Variants in GXYLT1 observed in about 807,000 individuals in gnomAD.
GXYLT1 encodes the protein glucoside xylosyltransferase 1.
GXYLT1 carries 29 observed loss-of-function variants against 54.0 expected under a neutral mutation model. The ratio of observed to expected loss-of-function variants is 0.54; its 90% CI spans 0.40 to 0.73. The LOEUF is 0.73. Ranked by LOEUF, GXYLT1 falls within the 30% of genes least tolerant of loss-of-function variation. The pLI is 0.00. For synonymous variants in GXYLT1, 176 were observed against 204.1 expected (o/e 0.86, Z 1.17); for missense variants, 490 against 553.4 (o/e 0.89, Z 1.15).
chr12:42,129,761 A>G lies in GXYLT1; in HGVS notation c.312T>C (p.Phe104=). Residue 104 remains phenylalanine, a splice_region_variant and synonymous_variant, in exon 2 of 8, where the codon TTT becomes TTC. Transcript: ENST00000398675. ...CCAATTAAATATTAAGTGCCTACCT[A>G]AAAGCCGCTTCCCAAAAGCAGTTCA... The part of the protein sequence containing the change: ...CGMNCFWEAA[F]RYSLKIQPVE... The G allele has an allele frequency of 6.2e-7, 1 of 1,609,890 alleles. No homozygotes were observed. Among genetic ancestry groups the G allele is most frequent in the South Asian group, 1.1e-5 (1 of 90,992 alleles).
In GXYLT1 at chr12:42,083,108, C is replaced by T. The variant is rs886388231; in HGVS notation, c.*4678G>A. The T allele has an allele frequency of 6.6e-6, 1 of 152,056 alleles. No homozygotes were observed. The highest frequency in any genetic ancestry group is 1.5e-5 in the Non-Finnish European group (1 of 68,012). 9.4% of individuals were successfully genotyped at this position (152,056 alleles called of 1,614,324 possible). On this transcript the variant is annotated 3_prime_UTR_variant, in exon 8 of 8. Transcript: ENST00000398675. ...ACATTGATTTGCAATCCATTTTAAACTGTTACATCTAATATGCTATTCTGT... is the reference window on the plus strand; with the variant it reads ...ACATTGATTTGCAATCCATTTTAAATTGTTACATCTAATATGCTATTCTGT...
At chr12:42,120,859 CT>C (rs894231500) in intron 2 of GXYLT1, among the ~76,000 whole-genome samples, 2 of 151,040 alleles carry the variant, frequency 1.3e-5, no homozygotes, top group African/African-American at 4.9e-5. Context: ...TTAAAGCTCT[CT>C]ATTATTTTCT....
At chr12:42,109,070 T>C (rs111825632) in intron 4 of GXYLT1, among the ~76,000 whole-genome samples, 1 of 152,314 alleles carries the variant, frequency 6.6e-6, no homozygotes, top group African/African-American at 2.4e-5. Flanking sequence ...TAGTTCCCAT[T>C]TTCCCTTTGA....
chr12:42,097,086 A>G (rs2065359738), intron 7 of GXYLT1, among the ~76,000 whole-genome samples: 1 of 152,174 alleles, frequency 6.6e-6, no homozygotes, highest in Admixed American at 6.5e-5. Flanking sequence ...TATGGATGGC[A>G]GATTAATGTA....
In GXYLT1 at chr12:42,098,007, T is replaced by C. The variant is rs1331003984; in HGVS notation, c.891A>G (p.Gln297=). The C allele has an allele frequency of 2.5e-6, 4 of 1,609,254 alleles. No homozygotes were observed. Among genetic ancestry groups the C allele is most frequent in the Middle Eastern group, 1.6e-4 (1 of 6,072 alleles). ...GCAATGGCATAAGTATATCTCCCCA[T>C]TGTAGTCGTACAGTTGTCATATCAT... ...FKNDMTTVRL[Q]WGDILMPLLK... Residue 297 remains glutamine, a synonymous_variant, in exon 6 of 8, where the codon CAA becomes CAG. Transcript: ENST00000398675.
rs1183270379 is a variant in GXYLT1, at chr12:42,097,486, C to A, written c.1117G>T (p.Asp373Tyr). Reference sequence around the variant, plus strand: ...ACAGCTCTAAATGCTGGTTGCTTATCGTCATGGTAAACACCTCTGTTCCCA... The same window carrying A: ...ACAGCTCTAAATGCTGGTTGCTTATAGTCATGGTAAACACCTCTGTTCCCA... ...LHGNRGVYHD[D>Y]KQPAFRAVYE... is the part of the protein sequence containing the mutation. Residue 373 changes from aspartate to tyrosine, a missense_variant, in exon 7 of 8, where the codon GAT (aspartate) becomes TAT (tyrosine). Around this residue, in one of 2 missense-constraint regions of GXYLT1, gnomAD observed 342 missense variants for 342.6 expected, o/e 1.00. Coordinates refer to ENST00000398675, the MANE Select transcript of GXYLT1 (RefSeq NM_173601.2). 6.2e-7 allele frequency: 1 copy of A among 1,601,514 alleles called. No individual in the cohort carries two copies. The highest frequency in any genetic ancestry group is 1.8e-5 in the Admixed American group (1 of 57,004).
At chr12:42,106,336 TTCA>T (rs1267539416) in intron 4 of GXYLT1, among the ~76,000 whole-genome samples, 1 of 152,160 alleles carries the variant, frequency 6.6e-6, no homozygotes, top group African/African-American at 2.4e-5. Flanking sequence ...ATATGAAATC[TTCA>T]AAGATCAGGG....
chr12:42,097,397 G>A, intron 7 of GXYLT1, 45 bp downstream of exon 7: 1 of 1,431,440 alleles, frequency 7.0e-7, no homozygotes, highest in Non-Finnish European at 9.3e-7. Flanking sequence ...TAGCTTGAAA[G>A]TATTTTCAAA....
chr12:42,094,513 G>A (rs1465479060), intron 7 of GXYLT1, among the ~76,000 whole-genome samples: 3 of 151,910 alleles, frequency 2.0e-5, no homozygotes, highest in Non-Finnish European at 4.4e-5. Context: ...ACATATGTTA[G>A]CTGAGTGTGG....
chr12:42,120,088 G>C (rs890287493), intron 2 of GXYLT1, among the ~76,000 whole-genome samples: 1 of 152,040 alleles, frequency 6.6e-6, no homozygotes, highest in Non-Finnish European at 1.5e-5. Context: ...CATTGAGAAA[G>C]ATAGATTTGA....
At chr12:42,114,233 A>C (rs1040147063) in intron 3 of GXYLT1, among the ~76,000 whole-genome samples, 8 of 152,242 alleles carry the variant, frequency 5.3e-5, no homozygotes, top group African/African-American at 1.7e-4. Flanking sequence ...GAAAAGCAAG[A>C]GCAAAGACAT....
intron 3 of GXYLT1, among the ~76,000 whole-genome samples, chr12:42,116,611 TAA>T (rs2065497118): frequency 6.6e-6 from 1 of 152,106 alleles, no homozygotes; most frequent in African/African-American, 2.4e-5. Flanking sequence ...TGGCAATCAT[TAA>T]AAAGTCAGGA....
At chr12:42,140,180 C>CA (rs35830911) in intron 1 of GXYLT1, among the ~76,000 whole-genome samples, 9,956 of 20,790 alleles carry the variant, frequency 0.48, 2,604 homozygotes, top group Non-Finnish European at 0.49. Flanking sequence ...GACTCCATCT[C>CA]AAAAAAAAAA....
intron 2 of GXYLT1, among the ~76,000 whole-genome samples, chr12:42,127,817 T>G (rs1472941409): frequency 6.6e-6 from 1 of 152,194 alleles, no homozygotes; most frequent in Non-Finnish European, 1.5e-5. Context: ...ACTTCAATTA[T>G]CCAAAAGTAT....
In GXYLT1 at chr12:42,109,705, A is replaced by AG. The variant is rs769875722; in HGVS notation, c.487-15_487-14insC. 21 of 1,444,674 alleles carry AG rather than the reference A, an allele frequency of 1.5e-5. No individual in the cohort carries two copies. Among genetic ancestry groups the AG allele is most frequent in the Non-Finnish European group, 1.8e-5 (19 of 1,053,830 alleles). The allele number at this position is 1,444,674 out of a possible 1,614,324, so 89.5% of individuals were successfully genotyped here. The stretch of plus-strand genomic sequence containing the variant: ...CCAGTTGTCAAGCTAAAACAATTTA[A>AG]AAAAAAACTGTTTAGTTTCACTCTG... On this transcript the variant is annotated splice_polypyrimidine_tract_variant and intron_variant, in intron 3 of 7. Transcript: ENST00000398675.
chr12:42,141,118 GAC>G (rs983068336), intron 1 of GXYLT1, among the ~76,000 whole-genome samples: 16 of 152,186 alleles, frequency 1.1e-4, no homozygotes, highest in Non-Finnish European at 2.4e-4. Flanking sequence ...ATGTGCAAGT[GAC>G]ACAGAGTCAA....
At chr12:42,088,212 G>A (rs2065308687) in intron 7 of GXYLT1, among the ~76,000 whole-genome samples, 1 of 151,854 alleles carries the variant, frequency 6.6e-6, no homozygotes, top group Non-Finnish European at 1.5e-5. Flanking sequence ...TGGTTAAGAA[G>A]ACAACCAAAA....
chr12:42,112,000 C>T (rs962535102), intron 3 of GXYLT1, among the ~76,000 whole-genome samples: 2 of 152,206 alleles, frequency 1.3e-5, no homozygotes, highest in African/African-American at 4.8e-5. Context: ...GTTCTGCAGC[C>T]ACTGCTGCTG....
chr12:42,096,865 T>C (rs2065358696), intron 7 of GXYLT1, among the ~76,000 whole-genome samples: 1 of 152,066 alleles, frequency 6.6e-6, no homozygotes, highest in Non-Finnish European at 1.5e-5. Flanking sequence ...GGACTATGAC[T>C]ATGAGGGCCT....
Sources: gnomAD v4.1 joint callset for allele counts (sites outside exome capture counted in the v4.1 genomes callset) on GRCh38, gnomAD v4.1.1 for gene constraint, gnomAD v4.1.1 regional missense constraint, MANE v1.5 for transcripts, NCBI Gene and HGNC (gene_info 2026-07-23, HGNC 2026-07-21) for gene names.